COA8: variants seen among roughly 807,000 people sequenced by gnomAD.
COA8 encodes the protein UPF0671 protein C14orf153.
A neutral mutation model predicts 22.0 loss-of-function variants in COA8; 20 were observed. The ratio of observed to expected loss-of-function variants is 0.91; its 90% CI spans 0.64 to 1.32. COA8 has a LOEUF of 1.32. Among genes scored for constraint, COA8 ranks in the 40% most tolerant of loss-of-function variants. The pLI, the probability that COA8 is intolerant of heterozygous loss-of-function variation, is 0.00. For synonymous variants in COA8, 105 were observed against 79.9 expected (o/e 1.31, Z -1.68); for missense variants, 266 against 230.0 (o/e 1.16, Z -1.01).
intron 1 of COA8, among the ~76,000 whole-genome samples, chr14:103,568,852 G>A (rs888259470): frequency 6.6e-6 from 1 of 152,026 alleles, no homozygotes; most frequent in Admixed American, 6.6e-5. Context: ...GGCTGGTCTC[G>A]AACTCCTGAC....
At chr14:103,568,627 A>G (rs1184750982) in intron 1 of COA8, among the ~76,000 whole-genome samples, 48 of 28,530 alleles carry the variant, frequency 1.7e-3, no homozygotes, top group African/African-American at 3.4e-3. Flanking sequence ...GTGTGTATAT[A>G]TATATATATA....
intron 3 of COA8, among the ~76,000 whole-genome samples, chr14:103,584,132 G>C (rs1051798581): frequency 6.6e-6 from 1 of 152,236 alleles, no homozygotes; most frequent in East Asian, 1.9e-4. Flanking sequence ...AGCCTCCTGG[G>C]CTCAAGCAAC....
At chr14:103,571,957 C>T (rs1293836844) in intron 2 of COA8, 137 bp downstream of exon 2, 3 of 698,806 alleles carry the variant, frequency 4.3e-6, no homozygotes, top group African/African-American at 3.6e-5. Flanking sequence ...GAAACCCTGT[C>T]TCTACTAAAA....
intron 1 of COA8, chr14:103,563,478 GTGTT>G (rs1453333484): frequency 1.7e-5 from 7 of 415,412 alleles, no homozygotes; most frequent in Admixed American, 3.7e-5. Flanking sequence ...GTGTGTGTGT[GTGTT>G]TTGGCTTTGT....
At chr14:103,573,059 G>A (rs950321983) in intron 2 of COA8, among the ~76,000 whole-genome samples, 2 of 152,090 alleles carry the variant, frequency 1.3e-5, no homozygotes, top group African/African-American at 2.4e-5. Flanking sequence ...GGGATTACAA[G>A]CATAAGCCAC....
In COA8 at chr14:103,571,619, A is replaced by G; in HGVS notation, c.124-4A>G. On this transcript the variant is annotated splice_region_variant and splice_polypyrimidine_tract_variant and intron_variant, in intron 1 of 4. Coordinates refer to ENST00000409074, the MANE Select transcript of COA8 (RefSeq NM_001370595.2). Reference sequence around the variant, plus strand: ...ATATGTTAATCCAATTTACTTTGTTAAAGGTCTCAAGATTCTGCCCTCCAA... The same window carrying G: ...ATATGTTAATCCAATTTACTTTGTTGAAGGTCTCAAGATTCTGCCCTCCAA... 2 of 1,611,366 alleles carry G rather than the reference A, an allele frequency of 1.2e-6. No individual in the cohort carries two copies. Among genetic ancestry groups the G allele is most frequent in the Non-Finnish European group, 1.7e-6 (2 of 1,178,146 alleles).
intron 1 of COA8, among the ~76,000 whole-genome samples, chr14:103,569,373 C>G (rs1219219357): frequency 1.3e-5 from 2 of 152,184 alleles, no homozygotes; most frequent in Non-Finnish European, 1.5e-5. Context: ...TTGAAAATAT[C>G]GGTACACCAG....
chr14:103,584,144 C>T (rs1791150013), intron 3 of COA8, among the ~76,000 whole-genome samples: 2 of 152,154 alleles, frequency 1.3e-5, no homozygotes, highest in African/African-American at 4.8e-5. Context: ...TCAAGCAACC[C>T]TCCCTCGGCC....
chr14:103,584,922 G>T (rs904538742), intron 3 of COA8, among the ~76,000 whole-genome samples: 2 of 149,032 alleles, frequency 1.3e-5, no homozygotes, highest in Non-Finnish European at 3.0e-5. Flanking sequence ...GGCGGATCAT[G>T]AAGTCAGGAG....
At chr14:103,585,277 G>A (rs535858857) in intron 3 of COA8, among the ~76,000 whole-genome samples, 2 of 151,874 alleles carry the variant, frequency 1.3e-5, no homozygotes, top group Admixed American at 6.6e-5. Flanking sequence ...TTGGGAGTTC[G>A]AGACCAGCCT....
rs748750772 is a variant in COA8 at position 103,590,209 on chromosome 14, A to G, written c.505A>G (p.Thr169Ala). Reference sequence around the variant, plus strand: ...TTGGTACAAGCGCAATTTTGCCATCACCTTCTTCATGGGAAAAGTGGCCCT... The same window carrying G: ...TTGGTACAAGCGCAATTTTGCCATCGCCTTCTTCATGGGAAAAGTGGCCCT... ...RDWYKRNFAITFFMGKVALER... is the reference protein window; with the variant it reads ...RDWYKRNFAIAFFMGKVALER... Residue 169 changes from threonine to alanine, a missense_variant, in exon 5 of 5, where the codon ACC (threonine) becomes GCC (alanine). Transcript: ENST00000409074. The G allele has an allele frequency of 1.4e-5, 22 of 1,614,128 alleles. No homozygotes were observed. Among genetic ancestry groups the G allele is most frequent in the Non-Finnish European group, 1.9e-5 (22 of 1,180,002 alleles).
chr14:103,590,133 C>T (rs748947280), intron 4 of COA8, 48 bp from the exon 5 acceptor site: 3 of 1,542,996 alleles, frequency 1.9e-6, no homozygotes, highest in Non-Finnish European at 2.7e-6. Context: ...GGCACCAAGC[C>T]TCAGTCCCTG....
At chr14:103,569,564 G>T (rs1335466572) in intron 1 of COA8, among the ~76,000 whole-genome samples, 1 of 152,194 alleles carries the variant, frequency 6.6e-6, no homozygotes, top group Admixed American at 6.5e-5. Flanking sequence ...AGAAAAGAGC[G>T]GGTGCAGCCC....
At chr14:103,582,363 G>A (rs1298406060) in intron 3 of COA8, among the ~76,000 whole-genome samples, 2 of 152,014 alleles carry the variant, frequency 1.3e-5, no homozygotes, top group African/African-American at 4.8e-5. Context: ...GTCCTGCCCT[G>A]TGGCCTTCCT....
chr14:103,571,671 C>T lies in COA8; in HGVS notation c.172C>T (p.Pro58Ser). The change falls in exon 2 of 5, where the codon CCC becomes TCC. Residue 58 changes from proline (P) to serine (S), a missense_variant. Coordinates refer to ENST00000409074, the MANE Select transcript of COA8 (RefSeq NM_001370595.2). ...PRKSCHDWIG[P>S]PDKYSNLRPV... The stretch of plus-strand genomic sequence containing the variant: ...AAAGTCTTGCCATGATTGGATAGGA[C>T]CCCCAGATAAATATTCAAACCTTCG... The T allele has an allele frequency of 1.9e-6, 3 of 1,614,132 alleles. No homozygotes were observed. Among genetic ancestry groups the T allele is most frequent in the South Asian group, 2.2e-5 (2 of 91,086 alleles).
chr14:103,569,636 C>A (rs541137591), intron 1 of COA8, among the ~76,000 whole-genome samples: 5 of 152,280 alleles, frequency 3.3e-5, no homozygotes, highest in African/African-American at 7.2e-5. Flanking sequence ...CGGGTCAGCT[C>A]GGAGGAGGGA....
At chr14:103,568,311 A>G (rs986949923) in intron 1 of COA8, among the ~76,000 whole-genome samples, 7 of 152,110 alleles carry the variant, frequency 4.6e-5, no homozygotes, top group Non-Finnish European at 7.4e-5. Flanking sequence ...TGGAGTACTC[A>G]GGAGCTTAGT....
intron 4 of COA8, chr14:103,588,292 A>G (rs1477422087): frequency 1.5e-5 from 6 of 397,072 alleles, no homozygotes; most frequent in Non-Finnish European, 2.7e-5. Flanking sequence ...AGGTGGGTAG[A>G]TCACTTGAGT....
Position 103,571,692 on chromosome 14 carries a change from C to G in COA8, c.193C>G (p.Leu65Val). The G allele has an allele frequency of 6.2e-7, 1 of 1,614,156 alleles. No homozygotes were observed. The highest frequency in any genetic ancestry group is 8.5e-7 in the Non-Finnish European group (1 of 1,180,020). ...AGGACCCCCAGATAAATATTCAAAC[C>G]TTCGACCTGTTCACTTTTACATACC... ...WIGPPDKYSN[L>V]RPVHFYIPEN... is the part of the protein sequence containing the mutation. Residue 65 changes from leucine (L) to valine (V), a missense_variant, in exon 2 of 5, where the codon CTT becomes GTT. Physicochemically the swap from Leu to Val is conservative, Grantham distance 32 (BLOSUM62 1). Transcript: ENST00000409074.
Sources: gnomAD v4.1 joint callset for allele counts (sites outside exome capture counted in the v4.1 genomes callset) on GRCh38, gnomAD v4.1.1 for gene constraint, MANE v1.5 for transcripts, NCBI Gene and HGNC (gene_info 2026-07-23, HGNC 2026-07-21) for gene names.